WBP2NL: variants seen among roughly 807,000 people sequenced by gnomAD.
WBP2NL encodes postacrosomal sheath WW domain-binding protein.
A neutral mutation model predicts 23.3 loss-of-function variants in WBP2NL; 27 were observed. The ratio of observed to expected loss-of-function variants is 1.16; its 90% confidence interval spans 0.85 to 1.60. The LOEUF is 1.60. Among genes scored for constraint, WBP2NL ranks in the 40% most tolerant of loss-of-function variants. The pLI, the probability that WBP2NL is intolerant of heterozygous loss-of-function variation, is 0.00. For synonymous variants in WBP2NL, 151 were observed against 145.9 expected (o/e 1.03, Z -0.25); for missense variants, 370 against 389.5 (o/e 0.95, Z 0.42).
intron 8 of WBP2NL, among the ~76,000 whole-genome samples, chr22:42,041,280 G>A (rs1056168773): frequency 1.5e-4 from 23 of 151,958 alleles, no homozygotes; most frequent in Admixed American, 8.5e-4. Context: ...TCAAGAGAGC[G>A]AGACCATCCT....
chr22:42,021,013 G>A (rs373630259), intron 4 of WBP2NL, among the ~76,000 whole-genome samples: 26 of 137,854 alleles, frequency 1.9e-4, no homozygotes, highest in South Asian at 9.8e-4. Flanking sequence ...TCCACCTCCC[G>A]GGTTCAAGTG....
intron 8 of WBP2NL, among the ~76,000 whole-genome samples, chr22:42,039,721 A>G (rs762946315): frequency 6.6e-6 from 1 of 151,502 alleles, no homozygotes. Flanking sequence ...GATTTTATTT[A>G]TTTGAATCTT....
intron 1 of WBP2NL, among the ~76,000 whole-genome samples, chr22:42,018,427 GAA>G (rs764055974): frequency 1.4e-5 from 2 of 143,512 alleles, no homozygotes; most frequent in Non-Finnish European, 3.0e-5. Flanking sequence ...AAGTCAAAAG[GAA>G]AGGAAAGAAA....
At position 42,050,026 on chromosome 22, in the gene WBP2NL, C is replaced by G. The variant is rs1827086963; in HGVS notation, c.*274-8264C>G. Among the ~76,000 whole-genome samples, 9 of 149,688 alleles carry G rather than the reference C, an allele frequency of 6.0e-5. No individual in the cohort carries two copies. The South Asian group carries it at 1.9e-3, about 32-fold the overall frequency. On this transcript the variant is annotated intron_variant and NMD_transcript_variant, in intron 8 of 8. Coordinates refer to the WBP2NL transcript ENST00000436265. ...GTGGCACATTTTGGTGTGGCACATT[C>G]TGCCATCTTTTATATCTAAAATTTA...
At chr22:42,046,732 G>T (rs1925602366) in intron 8 of WBP2NL, among the ~76,000 whole-genome samples, 1 of 152,126 alleles carries the variant, frequency 6.6e-6, no homozygotes, top group Admixed American at 6.5e-5. Context: ...GTACTATTCT[G>T]ACATTTTAGG....
At chr22:42,037,605 T>C (rs1167673473), downstream of WBP2NL, among the ~76,000 whole-genome samples, 1 of 152,186 alleles carries the variant, frequency 6.6e-6, no homozygotes, top group Non-Finnish European at 1.5e-5. Context: ...CACTTATTTG[T>C]GTTTTTATTC....
downstream of WBP2NL, among the ~76,000 whole-genome samples, chr22:42,029,147 G>A (rs933068665): frequency 1.3e-5 from 2 of 152,062 alleles, no homozygotes; most frequent in African/African-American, 2.4e-5. Context: ...CCACCTAAAA[G>A]GGAGGCCTTA....
rs373133245 is a variant in WBP2NL at position 42,020,111 on chromosome 22, T to G, written c.406+15T>G. 1.7e-5 allele frequency: 27 copies of G among 1,606,912 alleles called. No homozygotes were observed. The African/African-American group carries it at 3.5e-4, about 21-fold the overall frequency. On this transcript the variant is annotated intron_variant, in intron 4 of 5. Transcript: ENST00000328823. ...TGCCTCTGCTGGTAAGTGATGCTGA[T>G]AAAGATATTAAGCACTTTGGGGTTT...
chr22:42,000,662 C>A (rs1453595760), intron 1 of WBP2NL, among the ~76,000 whole-genome samples: 1 of 152,036 alleles, frequency 6.6e-6, no homozygotes, highest in African/African-American at 2.4e-5. Context: ...GGCGCGGTGG[C>A]CCACGCCTGT....
intron 8 of WBP2NL, among the ~76,000 whole-genome samples, chr22:42,051,337 G>T (rs10854749): frequency 0.32 from 49,021 of 151,890 alleles, 9,406 homozygotes; most frequent in Admixed American, 0.45. Context: ...GGCCAGGAGT[G>T]GGGGAGAGGG....
intron 8 of WBP2NL, among the ~76,000 whole-genome samples, chr22:42,049,147 C>A (rs1473581899): frequency 6.6e-6 from 1 of 152,064 alleles, no homozygotes; most frequent in Non-Finnish European, 1.5e-5. Context: ...GTGGTATTAG[C>A]AAAGCAGCAG....
chr22:42,031,940 C>G (rs543891304), downstream of WBP2NL: 1 of 152,188 alleles, frequency 6.6e-6, no homozygotes, highest in African/African-American at 2.4e-5. Context: ...AAGTGATCCA[C>G]CCGCCTCGGC....
downstream of WBP2NL, among the ~76,000 whole-genome samples, chr22:42,035,166 A>G (rs539069782): frequency 1.3e-5 from 2 of 152,346 alleles, no homozygotes; most frequent in African/African-American, 4.8e-5. Context: ...CAAAAGTATT[A>G]ATTTGGGGAA....
At chr22:42,052,740 G>A (rs1417266928) in intron 8 of WBP2NL, among the ~76,000 whole-genome samples, 1 of 152,126 alleles carries the variant, frequency 6.6e-6, no homozygotes, top group Non-Finnish European at 1.5e-5. Context: ...CCCTCCCAAT[G>A]GTCACTGAGT....
intron 1 of WBP2NL, chr22:42,002,786 T>C (rs757207831): frequency 6.6e-6 from 1 of 152,112 alleles, no homozygotes; most frequent in African/African-American, 2.4e-5. Flanking sequence ...AAGGACTCTT[T>C]CTCTGTTTTC....
chr22:42,039,936 A>G (rs1309157583), intron 8 of WBP2NL, among the ~76,000 whole-genome samples: 1 of 147,050 alleles, frequency 6.8e-6, no homozygotes, highest in African/African-American at 2.5e-5. Context: ...CTCGAGATGA[A>G]GTCTTGTTTT....
In WBP2NL at chr22:42,020,068, C is replaced by T. The variant is rs1342972721; in HGVS notation, c.378C>T (p.Ala126=). The T allele has an allele frequency of 6.2e-7, 1 of 1,613,872 alleles. No homozygotes were observed. Among genetic ancestry groups the T allele is most frequent in the South Asian group, 1.1e-5 (1 of 91,022 alleles). The change falls in exon 4 of 6, where the codon GCC becomes GCT. Residue 126 remains alanine, a synonymous_variant. Coordinates refer to ENST00000328823, the MANE Select transcript of WBP2NL (RefSeq NM_152613.3). ...GAAATGGAGATGCCATTGAATTTGC[C>T]CAGTTGATGGTGAAAGCTGCCTCTG... ...VFRNGDAIEF[A]QLMVKAASAA...
At chr22:42,053,975 A>T (rs1432224635) in intron 8 of WBP2NL, among the ~76,000 whole-genome samples, 1 of 152,160 alleles carries the variant, frequency 6.6e-6, no homozygotes, top group Non-Finnish European at 1.5e-5. Context: ...ATTTAAAAAA[A>T]AATGAGACAA....
At chr22:42,046,225 A>C (rs1378874364) in intron 8 of WBP2NL, among the ~76,000 whole-genome samples, 3 of 152,348 alleles carry the variant, frequency 2.0e-5, no homozygotes, top group African/African-American at 7.2e-5. Flanking sequence ...TTTGGGAAGC[A>C]GACAGCTTTA....
Sources: gnomAD v4.1 joint callset for allele counts (sites outside exome capture counted in the v4.1 genomes callset) on GRCh38, gnomAD v4.1.1 for gene constraint, MANE v1.5 for transcripts, NCBI Gene and HGNC (gene_info 2026-07-23, HGNC 2026-07-21) for gene names.